ARHGAP6: variants seen among roughly 807,000 people sequenced by gnomAD.
ARHGAP6 encodes the protein Rho GTPase activating protein 6.
A neutral mutation model predicts 55.7 loss-of-function variants in ARHGAP6; 16 were observed. The ratio of observed to expected loss-of-function variants is 0.29; its 90% CI spans 0.19 to 0.44. The LOEUF is 0.44. Among genes scored for constraint, ARHGAP6 ranks in the 20% least tolerant of loss-of-function variants. ARHGAP6 has a pLI of 1.00. For synonymous variants in ARHGAP6, 382 were observed against 360.9 expected (o/e 1.06, Z -0.66); for missense variants, 698 against 808.9 (o/e 0.86, Z 1.66).
intron 1 of ARHGAP6, among the ~76,000 whole-genome samples, chrX:11,463,376 TC>T (rs2050263826): frequency 8.9e-6 from 1 of 112,047 alleles, no homozygotes; most frequent in South Asian, 3.7e-4. Flanking sequence ...TCTCACTCTG[TC>T]ACCCAGGCTG....
At chrX:11,143,112 C>A (rs184093350) in intron 11 of ARHGAP6, 2 of 112,013 alleles carry the variant, frequency 1.8e-5, no homozygotes. Context: ...TTCACCATCT[C>A]ATTTAATCCT....
intron 1 of ARHGAP6, among the ~76,000 whole-genome samples, chrX:11,397,664 C>A (rs1012067906): frequency 9.0e-6 from 1 of 111,581 alleles, no homozygotes; most frequent in African/African-American, 3.3e-5. Flanking sequence ...GGATCACTTG[C>A]GCCCAGGATG....
chrX:11,555,904 G>A (rs1005533847), intron 1 of ARHGAP6, among the ~76,000 whole-genome samples: 5 of 111,200 alleles, frequency 4.5e-5, no homozygotes, highest in African/African-American at 1.6e-4. Context: ...GATGAGACCA[G>A]AGTAACATCA....
chrX:11,437,483 T>C (rs146263536), intron 1 of ARHGAP6, among the ~76,000 whole-genome samples: 141 of 111,903 alleles, frequency 1.3e-3, no homozygotes, highest in African/African-American at 4.3e-3. Flanking sequence ...GATACTAAGA[T>C]AAAGACTGAT....
chrX:11,298,457 C>A, intron 1 of ARHGAP6: 1 of 1,169,677 alleles, frequency 8.5e-7, no homozygotes, highest in Non-Finnish European at 1.2e-6. Flanking sequence ...ATAAAATATT[C>A]CTATAGCCAT....
chrX:11,232,891 G>A (rs1426968658), intron 2 of ARHGAP6, among the ~76,000 whole-genome samples: 2 of 111,344 alleles, frequency 1.8e-5, no homozygotes, highest in African/African-American at 6.5e-5. Context: ...GTTATTTACT[G>A]AACTGTTACC....
At chrX:11,462,973 C>T (rs1208348243) in intron 1 of ARHGAP6, among the ~76,000 whole-genome samples, 1 of 112,470 alleles carries the variant, frequency 8.9e-6, no homozygotes, top group Admixed American at 9.4e-5. Flanking sequence ...TTGCAGTCTG[C>T]CCCATGGCTG....
chrX:11,340,696 T>C (rs1415303638), intron 1 of ARHGAP6, among the ~76,000 whole-genome samples: 2 of 106,466 alleles, frequency 1.9e-5, no homozygotes, highest in Admixed American at 2.0e-4. Context: ...GCCACTGCAC[T>C]CCAGCCTGGG....
At chrX:11,383,649 G>A (rs1332448665) in intron 1 of ARHGAP6, among the ~76,000 whole-genome samples, 2 of 111,362 alleles carry the variant, frequency 1.8e-5, no homozygotes, top group Non-Finnish European at 3.8e-5. Flanking sequence ...AGGACTGAGA[G>A]GGTGACCTGC....
chrX:11,577,142 C>T (rs1485232013), intron 1 of ARHGAP6, among the ~76,000 whole-genome samples: 1 of 112,323 alleles, frequency 8.9e-6, no homozygotes, highest in Non-Finnish European at 1.9e-5. Flanking sequence ...TCTGCATCTG[C>T]AAAGTCTCTT....
chrX:11,504,468 C>T (rs903732976), intron 1 of ARHGAP6, among the ~76,000 whole-genome samples: 1 of 111,615 alleles, frequency 9.0e-6, no homozygotes, highest in Admixed American at 9.6e-5. Flanking sequence ...TTGCCAAATG[C>T]CCTCTGGTGG....
At chrX:11,543,305 T>C (rs1174760671) in intron 1 of ARHGAP6, among the ~76,000 whole-genome samples, 1 of 112,901 alleles carries the variant, frequency 8.9e-6, no homozygotes, top group African/African-American at 3.2e-5. Flanking sequence ...TATTTTGCTT[T>C]AGCAAAAAGA....
At chrX:11,360,228 C>T (rs1177393580) in intron 1 of ARHGAP6, among the ~76,000 whole-genome samples, 1 of 111,790 alleles carries the variant, frequency 8.9e-6, no homozygotes, top group African/African-American at 3.3e-5. Flanking sequence ...GACCAATATC[C>T]CTGATGAACA....
At chrX:11,154,187 G>C (rs1445825649) in intron 10 of ARHGAP6, among the ~76,000 whole-genome samples, 1 of 111,730 alleles carries the variant, frequency 9.0e-6, no homozygotes, top group Non-Finnish European at 1.9e-5. Flanking sequence ...ATGTATATGT[G>C]CCACATTTTC....
At chrX:11,460,863 G>A (rs1373771489) in intron 1 of ARHGAP6, among the ~76,000 whole-genome samples, 1 of 111,963 alleles carries the variant, frequency 8.9e-6, no homozygotes, top group African/African-American at 3.3e-5. Flanking sequence ...AATAATAATG[G>A]TGTCTACTCC....
chrX:11,408,916 C>T (rs765069077), intron 1 of ARHGAP6, among the ~76,000 whole-genome samples: 49 of 110,170 alleles, frequency 4.4e-4, no homozygotes, highest in Non-Finnish European at 8.4e-4. Flanking sequence ...CATACACACA[C>T]ACACACACAC....
intron 1 of ARHGAP6, among the ~76,000 whole-genome samples, chrX:11,378,557 G>A (rs1178843974): frequency 4.5e-5 from 5 of 112,275 alleles, no homozygotes; most frequent in East Asian, 5.6e-4. Flanking sequence ...TACTACAAAA[G>A]TCTCACAGGT....
intron 2 of ARHGAP6, among the ~76,000 whole-genome samples, chrX:11,248,941 C>A (rs1004795275): frequency 1.8e-5 from 2 of 111,537 alleles, no homozygotes; most frequent in African/African-American, 3.3e-5. Flanking sequence ...GAAAAGAAGT[C>A]ATTATACAGA....
At chrX:11,524,200 G>A (rs1178834679) in intron 1 of ARHGAP6, among the ~76,000 whole-genome samples, 4 of 111,704 alleles carry the variant, frequency 3.6e-5, no homozygotes, top group Middle Eastern at 4.6e-3. Flanking sequence ...TCTGAGTAAT[G>A]GATTAGTCCA....
Sources: gnomAD v4.1 joint callset for allele counts (sites outside exome capture counted in the v4.1 genomes callset) on GRCh38, gnomAD v4.1.1 for gene constraint, MANE v1.5 for transcripts, NCBI Gene and HGNC (gene_info 2026-07-23, HGNC 2026-07-21) for gene names.